The following CYP3A5 variants were observed in gnomAD, a reference collection of about 807,000 sequenced individuals.
CYP3A5 encodes the protein cytochrome P450 3A5.
CYP3A5 carries 51 observed loss-of-function variants against 55.9 expected under a neutral mutation model. The ratio of observed to expected loss-of-function variants is 0.91; its 90% CI spans 0.73 to 1.15. The LOEUF is 1.15. Among genes scored for constraint, CYP3A5 ranks in the 50% most tolerant of loss-of-function variants. The probability of loss-of-function intolerance (pLI) is 0.00; values close to 1 mark genes in which losing one functional copy is unlikely to be tolerated. For missense variants in CYP3A5, 533 were observed against 596.6 expected (o/e 0.89, Z 1.11); for synonymous variants, 196 against 213.9 (o/e 0.92, Z 0.73).
At chr7:99,665,375 A>G (rs1437734316) in intron 6 of CYP3A5, 61 bp from the exon 7 acceptor site, 4 of 1,594,232 alleles carry the variant, frequency 2.5e-6, no homozygotes, top group Non-Finnish European at 1.7e-6. Flanking sequence ...TCCACTATAC[A>G]TGCAGCAAGA....
chr7:99,656,179 C>T (rs1031366737), intron 10 of CYP3A5, among the ~76,000 whole-genome samples: 3 of 152,138 alleles, frequency 2.0e-5, no homozygotes, highest in African/African-American at 7.2e-5. Flanking sequence ...GGAATGATTC[C>T]AGTTTTTGTC....
chr7:99,664,914 A>G (rs1433626064), intron 7 of CYP3A5, among the ~76,000 whole-genome samples: 1 of 152,222 alleles, frequency 6.6e-6, no homozygotes, highest in African/African-American at 2.4e-5. Flanking sequence ...GCAAATCTAT[A>G]GAGGCAGAAA....
At chr7:99,664,171 TACC>T (rs2151417127) in intron 7 of CYP3A5, 76 bp from the exon 8 acceptor site, 2 of 1,173,694 alleles carry the variant, frequency 1.7e-6, no homozygotes, top group East Asian at 4.8e-5. Context: ...TAATTTTCTC[TACC>T]AGTAATAAGA....
In CYP3A5 at chr7:99,666,647, T is replaced by G. The variant is rs761517345; in HGVS notation, c.475A>C (p.Asn159His). Residue 159 changes from asparagine (N) to histidine (H), a missense_variant, in exon 6 of 13, where the codon AAC becomes CAC. Transcript: ENST00000222982. ...IAQYGDVLVR[N>H]LRREAEKGKP... Reference sequence around the variant, plus strand: ...CCTTTCTCTGCTTCCCGCCTCAAGTTTCTCACCAATACATCTCCATACTGG... The same window carrying G: ...CCTTTCTCTGCTTCCCGCCTCAAGTGTCTCACCAATACATCTCCATACTGG... The G allele has an allele frequency of 1.2e-6, 2 of 1,614,056 alleles. No homozygotes were observed. The highest frequency in any genetic ancestry group is 1.1e-5 in the South Asian group (1 of 91,070).
Position 99,653,073 on chromosome 7 carries a change from GA to G in CYP3A5, c.1027-295del, listed in dbSNP as rs1181258922. On this transcript the variant is annotated intron_variant, in intron 10 of 12. Coordinates refer to ENST00000222982, the MANE Select transcript of CYP3A5 (RefSeq NM_000777.5). The surrounding 1 kb of genome is among the most constrained non-coding windows in gnomAD (Gnocchi z 4.2). ...TTTTCTTTCTCATGGGAAGAAATGTGATTAATGGGGCTATGACCATTACCAC... is the reference window on the plus strand; with the variant it reads ...TTTTCTTTCTCATGGGAAGAAATGTGTTAATGGGGCTATGACCATTACCAC... Among the ~76,000 whole-genome samples, 1 of 152,140 alleles carries G rather than the reference GA, an allele frequency of 6.6e-6. No individual in the cohort carries two copies. Among genetic ancestry groups the G allele is most frequent in the Non-Finnish European group, 1.5e-5 (1 of 68,032 alleles).
chr7:99,657,343 C>T (rs1357764686), intron 10 of CYP3A5, among the ~76,000 whole-genome samples: 1 of 152,108 alleles, frequency 6.6e-6, no homozygotes, highest in Non-Finnish European at 1.5e-5. Flanking sequence ...GTTATGTACC[C>T]AGTAGTCATT....
intron 8 of CYP3A5, 137 bp downstream of exon 8, chr7:99,663,831 A>G: frequency 7.3e-7 from 1 of 1,364,374 alleles, no homozygotes; most frequent in Non-Finnish European, 9.4e-7. Flanking sequence ...CTTTATTTCT[A>G]CCAAATGGCT....
At chr7:99,655,376 A>T (rs1301429502) in intron 10 of CYP3A5, among the ~76,000 whole-genome samples, 1 of 152,192 alleles carries the variant, frequency 6.6e-6, no homozygotes, top group Non-Finnish European at 1.5e-5. Flanking sequence ...TTTGTCAAAG[A>T]TCAGATGGTT....
chr7:99,654,082 T>TG (rs200911778), intron 10 of CYP3A5, among the ~76,000 whole-genome samples: 2,669 of 152,116 alleles, frequency 0.018, 87 homozygotes, highest in African/African-American at 0.06. Flanking sequence ...CTGAGGTTTT[T>TG]GAATTTTTTT....
intron 4 of CYP3A5, among the ~76,000 whole-genome samples, chr7:99,669,914 C>T (rs1298262091): frequency 6.6e-6 from 1 of 152,074 alleles, no homozygotes. Context: ...ATGCAGTTGC[C>T]ACACAAAACT....
intron 10 of CYP3A5, among the ~76,000 whole-genome samples, chr7:99,657,862 T>G (rs992498037): frequency 1.3e-5 from 2 of 152,354 alleles, no homozygotes; most frequent in South Asian, 2.1e-4. Flanking sequence ...TCTTTTGATC[T>G]TTGTTGGTTT....
intron 8 of CYP3A5, chr7:99,663,167 CAA>C (rs1218389053): frequency 8.7e-6 from 10 of 1,146,058 alleles, no homozygotes; most frequent in Middle Eastern, 3.8e-4. Context: ...GCTTTCTGGC[CAA>C]AGAGTTGCCG....
intron 1 of CYP3A5, among the ~76,000 whole-genome samples, chr7:99,678,541 G>C (rs1323742884): frequency 1.3e-5 from 2 of 152,126 alleles, no homozygotes; most frequent in Non-Finnish European, 2.9e-5. Flanking sequence ...TTGTGCATTA[G>C]ACTCATATTC....
intron 6 of CYP3A5, among the ~76,000 whole-genome samples, chr7:99,665,788 C>A (rs990201592): frequency 2.6e-5 from 4 of 152,216 alleles, no homozygotes; most frequent in Admixed American, 6.5e-5. Flanking sequence ...GTTCTGAGTT[C>A]CTAGAAATAT....
intron 1 of CYP3A5, 30 bp from the exon 2 acceptor site, chr7:99,676,238 G>C: frequency 6.2e-7 from 1 of 1,612,392 alleles, no homozygotes; most frequent in Non-Finnish European, 8.5e-7. Flanking sequence ...TCAGGTCACA[G>C]GGATTGTGAC....
chr7:99,672,546 A>G, intron 4 of CYP3A5, 34 bp downstream of exon 4: 1 of 1,532,832 alleles, frequency 6.5e-7, no homozygotes, highest in Non-Finnish European at 9.0e-7. Context: ...CAGTGGATCA[A>G]TCATTATTTA....
intron 12 of CYP3A5, 72 bp downstream of exon 12, chr7:99,650,001 C>G: frequency 6.5e-7 from 1 of 1,530,930 alleles, no homozygotes. Flanking sequence ...GATAAACATG[C>G]ATATTCTTTT....
At chr7:99,672,419 C>T (rs1029449941) in intron 4 of CYP3A5, among the ~76,000 whole-genome samples, 161 bp downstream of exon 4, 1 of 151,690 alleles carries the variant, frequency 6.6e-6, no homozygotes, top group African/African-American at 2.4e-5. Context: ...TTGCAATATA[C>T]AAGATTGCAA....
At chr7:99,651,055 G>C (rs2151356703) in intron 11 of CYP3A5, among the ~76,000 whole-genome samples, 1 of 152,242 alleles carries the variant, frequency 6.6e-6, no homozygotes, top group East Asian at 1.9e-4. Flanking sequence ...ATATTTTGGA[G>C]AGCATTCTGA....
Sources: allele counts gnomAD v4.1 joint callset (sites outside exome capture counted in the v4.1 genomes callset), GRCh38; gene constraint gnomAD v4.1.1; non-coding constraint Gnocchi (gnomAD v3.1); transcripts MANE v1.5; gene names NCBI Gene and HGNC (gene_info 2026-07-23, HGNC 2026-07-21).